SLC11A2: variants seen among roughly 807,000 people sequenced by gnomAD.
The protein encoded by SLC11A2 is natural resistance-associated macrophage protein 2.
A neutral mutation model predicts 68.0 loss-of-function variants in SLC11A2; 38 were observed. The ratio of observed to expected loss-of-function variants is 0.56; its 90% CI spans 0.43 to 0.73. The LOEUF (loss-of-function observed/expected upper bound fraction) is 0.73. SLC11A2 is among the 30% of genes least tolerant of loss of function. The pLI is 0.00. For missense variants in SLC11A2, 517 were observed against 690.5 expected (o/e 0.75, Z 2.82); for synonymous variants, 242 against 250.6 (o/e 0.97, Z 0.32).
chr12:51,026,488 G>C (rs1003932654), upstream of SLC11A2: 2 of 614,704 alleles, frequency 3.3e-6, no homozygotes, highest in Non-Finnish European at 5.1e-6. Context: ...CCGCAGACCA[G>C]GGACCTAGGC....
At chr12:50,984,584 A>C (rs748137615), downstream of SLC11A2, among the ~76,000 whole-genome samples, 5 of 152,156 alleles carry the variant, frequency 3.3e-5, no homozygotes, top group Non-Finnish European at 7.4e-5. Context: ...AGACATTGAG[A>C]AATGAGACTA....
At position 50,986,442 on chromosome 12, in the gene SLC11A2, C is replaced by T; in HGVS notation, c.*1883G>A. On this transcript the variant is annotated 3_prime_UTR_variant, in exon 16 of 16. Transcript: ENST00000262052. The stretch of plus-strand genomic sequence containing the variant: ...GAAGGAGTTTTCTATCATTGCAAGT[C>T]ATAAATATAACTTTTAAAAGAATAC... 7.8e-7 allele frequency: 1 copy of T among 1,284,804 alleles called. No individual in the cohort carries two copies. The highest frequency in any genetic ancestry group is 1.0e-6 in the Non-Finnish European group (1 of 986,782). 79.6% of individuals were successfully genotyped at this position (1,284,804 alleles called of 1,614,324 possible). A position where few individuals can be genotyped will look rare whatever the true frequency, so the allele number is the denominator to read the frequency against.
intron 1 of SLC11A2, among the ~76,000 whole-genome samples, chr12:51,019,051 T>C (rs1943864577): frequency 6.6e-6 from 1 of 152,026 alleles, no homozygotes; most frequent in Non-Finnish European, 1.5e-5. Context: ...TTCATGGAAG[T>C]AACTGATGAA....
At chr12:51,025,904 C>G in intron 1 of SLC11A2, 16 of 988,524 alleles carry the variant, frequency 1.6e-5, no homozygotes, top group Non-Finnish European at 1.9e-5. Flanking sequence ...CCTGCGGCGC[C>G]GACGAAGAGG....
chr12:50,957,701 A>G, the SLC11A2 span, among the ~76,000 whole-genome samples: 1 of 151,698 alleles, frequency 6.6e-6, no homozygotes, highest in Non-Finnish European at 1.5e-5. Flanking sequence ...CCTGGCCAAC[A>G]TGGCAAAACC....
chr12:51,025,731 G>A, intron 1 of SLC11A2: 1 of 984,432 alleles, frequency 1.0e-6, no homozygotes, highest in African/African-American at 1.7e-5. Flanking sequence ...AATCCAGAGG[G>A]TCCCTGAGAG....
chr12:51,025,687 C>G (rs1944333741), intron 1 of SLC11A2: 1 of 874,564 alleles, frequency 1.1e-6, no homozygotes, highest in South Asian at 5.2e-5. Flanking sequence ...GTGCAATATC[C>G]CCCTGTAGAA....
the SLC11A2 span, among the ~76,000 whole-genome samples, chr12:50,958,769 C>T: frequency 6.6e-6 from 1 of 151,644 alleles, no homozygotes; most frequent in East Asian, 2.0e-4. Context: ...GTAATCCCAG[C>T]ACTTCAGGAG....
intron 9 of SLC11A2, among the ~76,000 whole-genome samples, chr12:50,996,039 A>T (rs1025707667): frequency 6.6e-6 from 1 of 152,204 alleles, no homozygotes; most frequent in Non-Finnish European, 1.5e-5. Context: ...CTAAATGACT[A>T]CTGAGCTCTC....
the SLC11A2 span, among the ~76,000 whole-genome samples, chr12:50,960,673 AT>A: frequency 6.7e-6 from 1 of 149,768 alleles, no homozygotes; most frequent in Non-Finnish European, 1.5e-5. Context: ...CCTGCTGTGT[AT>A]TTAACCCATA....
intron 8 of SLC11A2, among the ~76,000 whole-genome samples, chr12:50,997,634 C>T (rs898547144): frequency 9.0e-5 from 11 of 121,710 alleles, no homozygotes; most frequent in African/African-American, 1.2e-4. Context: ...GAGCTGAGAT[C>T]GTGCCACTGA....
At chr12:51,028,860 C>T (rs945700942), upstream of SLC11A2, among the ~76,000 whole-genome samples, 7 of 152,090 alleles carry the variant, frequency 4.6e-5, no homozygotes, top group Admixed American at 1.3e-4. Flanking sequence ...GCCACGCAAA[C>T]TCCGGACTTG....
chr12:50,982,186 C>T (rs853235), downstream of SLC11A2, among the ~76,000 whole-genome samples: 105,351 of 152,148 alleles, frequency 0.69, 37,689 homozygotes, highest in East Asian at 0.84. Context: ...AATCCTGAGC[C>T]CTATTATCCT....
At chr12:51,003,875 G>A (rs1056114386) in intron 5 of SLC11A2, among the ~76,000 whole-genome samples, 4 of 152,022 alleles carry the variant, frequency 2.6e-5, no homozygotes, top group Non-Finnish European at 5.9e-5. Context: ...GGGAGGTCAA[G>A]GCTGCAGTGA....
chr12:50,978,386 G>A (rs989366368), downstream of SLC11A2, among the ~76,000 whole-genome samples: 24 of 151,106 alleles, frequency 1.6e-4, no homozygotes, highest in African/African-American at 5.6e-4. Context: ...GCAAACCATC[G>A]CAAGGACAAA....
At chr12:50,968,398 TG>T in the SLC11A2 span, among the ~76,000 whole-genome samples, 3 of 151,838 alleles carry the variant, frequency 2.0e-5, no homozygotes, top group Non-Finnish European at 4.4e-5. Context: ...TTTGTGTGTG[TG>T]TGGGGGGAGA....
At chr12:50,965,259 G>T in the SLC11A2 span, among the ~76,000 whole-genome samples, 1 of 151,276 alleles carries the variant, frequency 6.6e-6, no homozygotes, top group Non-Finnish European at 1.5e-5. Flanking sequence ...GACTACACGT[G>T]TGCACCACCA....
At chr12:51,026,155 TC>T (rs1257201468) in intron 1 of SLC11A2, 154 bp downstream of exon 1, 9 of 1,160,334 alleles carry the variant, frequency 7.8e-6, no homozygotes, top group Non-Finnish European at 9.7e-6. Context: ...CCTGAGGCCC[TC>T]CCTGGCCACA....
At chr12:51,006,401 C>G (rs1450091250) in intron 3 of SLC11A2, 1 of 153,186 alleles carries the variant, frequency 6.5e-6, no homozygotes, top group Non-Finnish European at 1.5e-5. Context: ...CTGACTCTAG[C>G]ATAGCATCAC....
Sources: allele counts gnomAD v4.1 joint callset (sites outside exome capture counted in the v4.1 genomes callset), GRCh38; gene constraint gnomAD v4.1.1; transcripts MANE v1.5; gene names NCBI Gene and HGNC (gene_info 2026-07-23, HGNC 2026-07-21).